PAPLN: variants seen among roughly 807,000 people sequenced by gnomAD.
The protein encoded by PAPLN is papilin.
In PAPLN, 146 loss-of-function variants were observed where a neutral mutation model predicts 159.0. The observed-to-expected ratio is 0.92, with a 90% confidence interval of 0.80 to 1.05. The LOEUF is 1.05. Ranked by LOEUF, PAPLN falls within the 50% of genes least tolerant of loss-of-function variation. The pLI is 0.00. For missense variants in PAPLN, 1,720 were observed against 1,743.9 expected, an observed-to-expected ratio of 0.99 and a Z score of 0.24; for synonymous variants, 734 against 702.9, an observed-to-expected ratio of 1.04 and a Z score of -0.70.
In PAPLN at chr14:73,272,480, C is replaced by T. The variant is rs940292728; in HGVS notation, c.3668-15C>T. The stretch of plus-strand genomic sequence containing the variant: ...AGCTTCCTCACCACCTTCTCTCTCC[C>T]CTGTCGTTCTGCAGCACCCACCGCC... On this transcript the variant is annotated splice_polypyrimidine_tract_variant and intron_variant, in intron 26 of 26. Coordinates refer to ENST00000644200, the MANE Select transcript of PAPLN (RefSeq NM_001365906.3). 5 of 1,501,400 alleles carry T rather than the reference C, an allele frequency of 3.3e-6. No individual in the cohort carries two copies. In the Admixed American group the frequency reaches 6.2e-5, roughly 19 times the overall value. 93.0% of individuals were successfully genotyped at this position (1,501,400 alleles called of 1,614,324 possible). A position where few individuals can be genotyped will look rare whatever the true frequency, so the allele number is the denominator to read the frequency against.
chr14:73,271,537 T>C (rs1887720870), intron 26 of PAPLN, among the ~76,000 whole-genome samples: 1 of 151,886 alleles, frequency 6.6e-6, no homozygotes, highest in Non-Finnish European at 1.5e-5. Context: ...AATCTTGCTC[T>C]GTCACCCAGG....
Position 73,262,409 on chromosome 14 carries a change from C to G in PAPLN, c.2305C>G (p.Arg769Gly), listed in dbSNP as rs138504359. The G allele has an allele frequency of 6.2e-7, 1 of 1,614,014 alleles. No individual in the cohort carries two copies. Among genetic ancestry groups the G allele is most frequent in the Non-Finnish European group, 8.5e-7 (1 of 1,179,968 alleles). Reference protein sequence around the residue: ...AHGSCADWAARWYFVASVGQC... With the variant: ...AHGSCADWAAGWYFVASVGQC... ...TGGCTCTTGCGCAGACTGGGCTGCC[C>G]GCTGGTACTTCGTTGCCTCTGTGGG... The change falls in exon 19 of 27, where the codon CGC becomes GGC. Residue 769 changes from arginine (R) to glycine (G), a missense_variant. By Grantham distance (125) the Arg-to-Gly change is moderately radical. Coordinates refer to ENST00000644200, the MANE Select transcript of PAPLN (RefSeq NM_001365906.3).
intron 13 of PAPLN, 76 bp downstream of exon 13, chr14:73,254,771 G>C (rs1885704496): frequency 6.3e-7 from 1 of 1,592,178 alleles, no homozygotes; most frequent in Non-Finnish European, 8.6e-7. Flanking sequence ...CGCCGTCCTT[G>C]GACCTGACAC....
At chr14:73,260,858 A>G in intron 17 of PAPLN, 29 bp downstream of exon 17, 1 of 1,495,064 alleles carries the variant, frequency 6.7e-7, no homozygotes, top group South Asian at 1.4e-5. Flanking sequence ...GGAGGGGAGC[A>G]GGGGGCCAGC....
rs140030387 is a variant in PAPLN at position 73,270,908 on chromosome 14, C to T, written c.3668-1587C>T. Among the ~76,000 whole-genome samples the T allele has an allele frequency of 4.3e-3, 660 of 152,224 alleles. 7 individuals are homozygous for T. The highest frequency in any genetic ancestry group is 0.015 in the African/African-American group (615 of 41,520). ...CCCTGCCCTACTCATGGTTGGGTGGCACATTGAATTTCAGTGTTAGCACCA... is the reference window on the plus strand; with the variant it reads ...CCCTGCCCTACTCATGGTTGGGTGGTACATTGAATTTCAGTGTTAGCACCA... On this transcript the variant is annotated intron_variant, in intron 26 of 26. Transcript: ENST00000644200.
In PAPLN at chr14:73,259,407, C is replaced by T; in HGVS notation, c.1847C>T (p.Pro616Leu). 6.2e-7 allele frequency: 1 copy of T among 1,613,162 alleles called. No individual in the cohort carries two copies. The highest frequency in any genetic ancestry group is 8.5e-7 in the Non-Finnish European group (1 of 1,179,722). Residue 616 changes from proline (P) to leucine (L), a missense_variant, in exon 16 of 27, where the codon CCA (proline) becomes CTA (leucine). Coordinates refer to ENST00000644200, the MANE Select transcript of PAPLN (RefSeq NM_001365906.3). ...CCCGCTCCCTCTCTGCAGCAGCCCC[C>T]ATACCAGCAACCCCTGCGGTCGGGC... ...LGPAPSLQQP[P>L]YQQPLRSGSG...
chr14:73,242,335 T>C (rs1454909290), intron 2 of PAPLN, among the ~76,000 whole-genome samples: 1 of 152,142 alleles, frequency 6.6e-6, no homozygotes. Flanking sequence ...ATGGCAGGGG[T>C]ACCCCTTGGC....
rs147672782 is a variant in PAPLN at position 73,251,438 on chromosome 14, G to A, written c.590-48G>A. The A allele has an allele frequency of 5.0e-4, 787 of 1,562,666 alleles. 3 individuals are homozygous for A. In the African/African-American group the frequency reaches 9.2e-3, roughly 18 times the overall value. On this transcript the variant is annotated intron_variant, in intron 7 of 26. Transcript: ENST00000644200. ...CTTGGAGTCCTGTTTGAGTGGTGCC[G>A]GGAGAGGGATAGCCCAGCACACCCA...
rs1457001628 is a variant in PAPLN, at chr14:73,254,599, C to G, written c.1389C>G (p.Cys463Trp). The G allele has an allele frequency of 2.5e-6, 4 of 1,613,958 alleles. No homozygotes were observed. In the African/African-American group the frequency reaches 5.3e-5, roughly 22 times the overall value. Residue 463 changes from cysteine (C) to tryptophan (W), a missense_variant, in exon 13 of 27, where the codon TGC becomes TGG. Cys to Trp is a radical substitution (Grantham distance 215). Transcript: ENST00000644200. ...ERGSLLHTAA[C>W]SLEDRPPLTE... ...GTTCTTTGCTCCATACCGCAGCGTG[C>G]TCCTTGGAAGACCGGCCACCTCTGA...
At chr14:73,249,890 A>C in intron 5 of PAPLN, 94 bp from the exon 6 acceptor site, 1 of 1,406,690 alleles carries the variant, frequency 7.1e-7, no homozygotes, top group Non-Finnish European at 9.4e-7. Flanking sequence ...GGGCTTTCTG[A>C]CCCATGCTTT....
chr14:73,260,585 T>TC lies in PAPLN; in HGVS notation c.1986-122dup, dbSNP rs1457336298. Reference sequence around the variant, plus strand: ...GGCCTGCCCTGCACACGGGGACACGTCCTCTCCCCCCCAGGTCCCCACCCT... The same window carrying TC: ...GGCCTGCCCTGCACACGGGGACACGTCCCTCTCCCCCCCAGGTCCCCACCCT... On this transcript the variant is annotated intron_variant, in intron 16 of 26. Transcript: ENST00000644200. 5,584 of 1,245,608 alleles carry TC rather than the reference T, an allele frequency of 4.5e-3. 6 individuals carry two copies. The highest frequency in any genetic ancestry group is 5.2e-3 in the Non-Finnish European group (5,045 of 968,348). 77.2% of individuals were successfully genotyped at this position (1,245,608 alleles called of 1,614,324 possible).
intron 25 of PAPLN, 98 bp downstream of exon 25, chr14:73,266,929 T>C: frequency 8.4e-7 from 1 of 1,188,030 alleles, no homozygotes; most frequent in Non-Finnish European, 1.2e-6. Flanking sequence ...TCACCACTGC[T>C]TCCATTCCGG....
rs375217868 is a variant in PAPLN at position 73,261,142 on chromosome 14, G to T, written c.2107-14G>T. On this transcript the variant is annotated splice_polypyrimidine_tract_variant and intron_variant, in intron 17 of 26. Transcript: ENST00000644200. ...ATCCACTGCCCACTTCCCAATCATG[G>T]GTTTCCTCCCCAGGTCCACAACACC... 4 of 1,614,020 alleles carry T rather than the reference G, an allele frequency of 2.5e-6. No individual in the cohort carries two copies. The highest frequency in any genetic ancestry group is 1.1e-5 in the South Asian group (1 of 91,070).
At chr14:73,244,548 T>G in intron 2 of PAPLN, 96 bp from the exon 3 acceptor site, 19 of 1,010,920 alleles carry the variant, frequency 1.9e-5, no homozygotes, top group Non-Finnish European at 2.7e-5. Context: ...GACTCCTTGA[T>G]GGGTAGGGGA....
Position 73,246,057 on chromosome 14 carries a change from C to T in PAPLN, c.232-16C>T. Reference sequence around the variant, plus strand: ...ACTCCGCCCTCCTGGATCCCGACTTCCCCTCCGCCCCGCAGAGCTGCCCCG... The same window carrying T: ...ACTCCGCCCTCCTGGATCCCGACTTTCCCTCCGCCCCGCAGAGCTGCCCCG... On this transcript the variant is annotated splice_polypyrimidine_tract_variant and intron_variant, in intron 4 of 26. Transcript: ENST00000644200. 6.6e-7 allele frequency: 1 copy of T among 1,522,764 alleles called. No individual in the cohort carries two copies. Among genetic ancestry groups the T allele is most frequent in the Non-Finnish European group, 8.8e-7 (1 of 1,139,200 alleles). 94.3% of individuals were successfully genotyped at this position (1,522,764 alleles called of 1,614,324 possible). A position where few individuals can be genotyped will look rare whatever the true frequency, so the allele number is the denominator to read the frequency against.
intron 5 of PAPLN, among the ~76,000 whole-genome samples, chr14:73,246,392 G>A (rs1203260735): frequency 7.7e-6 from 1 of 129,712 alleles, no homozygotes; most frequent in Non-Finnish European, 1.6e-5. Flanking sequence ...CACTGTACCC[G>A]ACCAATTTTT....
intron 14 of PAPLN, among the ~76,000 whole-genome samples, chr14:73,258,609 C>T (rs1029347755): frequency 2.7e-5 from 2 of 74,762 alleles, no homozygotes; most frequent in African/African-American, 1.0e-4. Flanking sequence ...TATAGAAAGA[C>T]CCTATCTCTA....
At position 73,268,666 on chromosome 14, in the gene PAPLN, G is replaced by A. The variant is rs1246824407; in HGVS notation, c.3610G>A (p.Ala1204Thr). 28 of 1,613,908 alleles carry A rather than the reference G, an allele frequency of 1.7e-5. No homozygotes were observed. The East Asian group carries it at 2.9e-4, about 17-fold the overall frequency. ...ARDEGSYTCS[A>T]YQGSQAVSRS... ...GGATGAGGGCTCCTACACGTGCAGT[G>A]CCTACCAGGGGAGCCAGGCAGTCAG... The change falls in exon 26 of 27, where the codon GCC becomes ACC. Residue 1204 changes from alanine (A) to threonine (T), a missense_variant. Physicochemically the swap from Ala to Thr is moderately conservative, Grantham distance 58. Transcript: ENST00000644200.
intron 1 of PAPLN, among the ~76,000 whole-genome samples, chr14:73,238,802 C>G (rs1883229620): frequency 6.6e-6 from 1 of 152,246 alleles, no homozygotes; most frequent in Non-Finnish European, 1.5e-5. Context: ...AGCTTGGCTT[C>G]TGTATGCTGT....
Sources: allele counts gnomAD v4.1 joint callset (sites outside exome capture counted in the v4.1 genomes callset), GRCh38; gene constraint gnomAD v4.1.1; transcripts MANE v1.5; gene names NCBI Gene and HGNC (gene_info 2026-07-23, HGNC 2026-07-21).